PTPRG: variants seen among roughly 807,000 people sequenced by gnomAD.
PTPRG encodes protein tyrosine phosphatase receptor type G.
A neutral mutation model predicts 165.3 loss-of-function variants in PTPRG; 102 were observed. That is an observed-to-expected ratio of 0.62 (90% CI 0.53 to 0.73). PTPRG has a LOEUF of 0.73. PTPRG is among the 30% of genes least tolerant of loss of function. The pLI is 0.00. For missense variants in PTPRG, 1,866 were observed against 1,861.4 expected (o/e 1.00, Z -0.05); for synonymous variants, 675 against 669.5 (o/e 1.01, Z -0.13).
chr3:62,025,355 A>C (rs1274709105), intron 4 of PTPRG, among the ~76,000 whole-genome samples: 1 of 152,234 alleles, frequency 6.6e-6, no homozygotes, highest in Non-Finnish European at 1.5e-5. Context: ...AGGACTGGGA[A>C]GGACTCTGAG....
At chr3:62,003,596 G>A in intron 4 of PTPRG, 99 bp downstream of exon 4, 1 of 1,445,316 alleles carries the variant, frequency 6.9e-7, no homozygotes, top group Non-Finnish European at 9.4e-7. Flanking sequence ...AATCACAGCT[G>A]TACAGTACCT....
intron 5 of PTPRG, chr3:62,118,598 A>G (rs1430027835): frequency 2.0e-5 from 3 of 152,362 alleles, no homozygotes; most frequent in African/African-American, 7.2e-5. Context: ...TATTTTTTAA[A>G]TTTTATGTTT....
rs1701062624 is a variant in PTPRG at position 62,237,586 on chromosome 3, G to T, written c.2376-6221G>T. On this transcript the variant is annotated intron_variant, in intron 14 of 29. Transcript: ENST00000474889. This position sits in a 1 kb window ranked among gnomAD's most constrained non-coding sequence, Gnocchi z 4.5. ...TGTGTGCTCTGTTTTCCCAAGAGTA[G>T]ACTTTATTTTTAAAGAGGTCTTTAT... Among the ~76,000 whole-genome samples the T allele has an allele frequency of 6.6e-6, 1 of 152,170 alleles. No homozygotes were observed. The highest frequency in any genetic ancestry group is 1.5e-5 in the Non-Finnish European group (1 of 68,034).
intron 6 of PTPRG, among the ~76,000 whole-genome samples, chr3:62,138,714 C>CAAAAAAAAA (rs563632840): frequency 3.3e-4 from 30 of 91,330 alleles, no homozygotes; most frequent in East Asian, 1.1e-3. Context: ...GGCAAAGCTC[C>CAAAAAAAAA]AAAAAAAAAA....
intron 1 of PTPRG, among the ~76,000 whole-genome samples, chr3:61,733,117 G>C (rs1353104959): frequency 6.6e-6 from 1 of 152,202 alleles, no homozygotes; most frequent in Admixed American, 6.5e-5. Flanking sequence ...TAAGTACCTA[G>C]TAGTGTTCTT....
intron 2 of PTPRG, among the ~76,000 whole-genome samples, chr3:61,984,019 C>A (rs1466099122): frequency 6.6e-6 from 1 of 152,070 alleles, no homozygotes; most frequent in African/African-American, 2.4e-5. Flanking sequence ...CAGATTCAAG[C>A]CCAGATTTAC....
intron 2 of PTPRG, among the ~76,000 whole-genome samples, chr3:61,800,011 T>C (rs1028099021): frequency 1.3e-5 from 2 of 152,218 alleles, no homozygotes; most frequent in African/African-American, 2.4e-5. Context: ...TGGAAGGTAA[T>C]TTAAACTCTC....
chr3:61,910,192 C>T (rs551879756), intron 2 of PTPRG, among the ~76,000 whole-genome samples: 118 of 152,280 alleles, frequency 7.7e-4, no homozygotes, highest in Non-Finnish European at 1.2e-3. Flanking sequence ...TGTCCTATTT[C>T]GTGTATTGAT....
At chr3:61,807,493 T>C (rs560852439) in intron 2 of PTPRG, among the ~76,000 whole-genome samples, 5 of 152,330 alleles carry the variant, frequency 3.3e-5, no homozygotes, top group Admixed American at 3.3e-4. Flanking sequence ...TAGAAGCTGA[T>C]GTGTATTTTA....
intron 1 of PTPRG, among the ~76,000 whole-genome samples, chr3:61,589,487 T>C (rs1700514526): frequency 6.6e-6 from 1 of 152,208 alleles, no homozygotes; most frequent in African/African-American, 2.4e-5. Flanking sequence ...TGAGAAAACT[T>C]TGAGGCTCAC....
At chr3:61,950,155 A>C (rs1356309109) in intron 2 of PTPRG, among the ~76,000 whole-genome samples, 1 of 152,220 alleles carries the variant, frequency 6.6e-6, no homozygotes, top group African/African-American at 2.4e-5. Context: ...TGTGGCTTAC[A>C]AGGTCCTTTT....
At chr3:62,232,212 C>T (rs1700919304) in intron 14 of PTPRG, among the ~76,000 whole-genome samples, 1 of 152,028 alleles carries the variant, frequency 6.6e-6, no homozygotes, top group South Asian at 2.1e-4. Flanking sequence ...ATCAGATAAA[C>T]CTATGAAATC....
chr3:61,991,955 T>A (rs566954543), intron 3 of PTPRG, among the ~76,000 whole-genome samples: 3 of 152,370 alleles, frequency 2.0e-5, no homozygotes, highest in African/African-American at 7.2e-5. Flanking sequence ...GTCACTCTCC[T>A]GGCTTCCTAG....
At chr3:61,954,702 C>T (rs1389274583) in intron 2 of PTPRG, among the ~76,000 whole-genome samples, 2 of 152,132 alleles carry the variant, frequency 1.3e-5, no homozygotes, top group African/African-American at 2.4e-5. Context: ...CTTGCAAAAC[C>T]GCATACTACA....
At chr3:61,745,196 G>A (rs2033152014) in intron 1 of PTPRG, among the ~76,000 whole-genome samples, 1 of 151,912 alleles carries the variant, frequency 6.6e-6, no homozygotes, top group Non-Finnish European at 1.5e-5. Context: ...GACTGCAGGC[G>A]TGCCACCATG....
At chr3:61,722,979 G>A (rs543195924) in intron 1 of PTPRG, among the ~76,000 whole-genome samples, 21 of 151,924 alleles carry the variant, frequency 1.4e-4, no homozygotes, top group Non-Finnish European at 2.4e-4. Context: ...GGTTTCTCGG[G>A]GTGAGCAGAG....
chr3:61,613,271 T>A (rs1701222926), intron 1 of PTPRG, among the ~76,000 whole-genome samples: 1 of 152,206 alleles, frequency 6.6e-6, no homozygotes, highest in South Asian at 2.1e-4. Context: ...ATCATGTTTT[T>A]TTTAAAGGCA....
chr3:62,009,346 A>G (rs183454565), intron 4 of PTPRG, among the ~76,000 whole-genome samples: 1 of 152,118 alleles, frequency 6.6e-6, no homozygotes, highest in African/African-American at 2.4e-5. Flanking sequence ...CAGCATTCTT[A>G]GGCAAAGTTC....
At chr3:61,989,575 A>G in intron 2 of PTPRG, 50 bp from the exon 3 acceptor site, 1 of 1,553,302 alleles carries the variant, frequency 6.4e-7, no homozygotes. Flanking sequence ...TATTCATTTC[A>G]TCCCTGACCC....
Sources: allele counts gnomAD v4.1 joint callset (sites outside exome capture counted in the v4.1 genomes callset), GRCh38; gene constraint gnomAD v4.1.1; non-coding constraint Gnocchi (gnomAD v3.1); transcripts MANE v1.5; gene names NCBI Gene and HGNC (gene_info 2026-07-23, HGNC 2026-07-21).